The following ODAPH variants were observed in gnomAD, a reference collection of about 807,000 sequenced individuals.
The protein encoded by ODAPH is amelogenesis imperfecta type IIA4.
Under a neutral mutation model 2.8 loss-of-function variants are expected in ODAPH, and 2 were observed. The observed-to-expected ratio is 0.72, with a 90% CI of 0.30 to 2.28. The LOEUF is 2.28. ODAPH is among the 30% of genes most tolerant of loss of function. The pLI is 0.13. For synonymous variants in ODAPH, 75 were observed against 60.3 expected, an observed-to-expected ratio of 1.24 and a Z score of -1.13; for missense variants, 159 against 163.3, an observed-to-expected ratio of 0.97 and a Z score of 0.14.
At chr4:75,564,015 A>T in intron 1 of ODAPH, 99 bp from the exon 2 acceptor site, 1 of 1,042,676 alleles carries the variant, frequency 9.6e-7, no homozygotes, top group Non-Finnish European at 1.5e-6. Flanking sequence ...AGATTTCTCT[A>T]ATTCTCTCTT....
intron 1 of ODAPH, 24 bp downstream of exon 1, chr4:75,556,173 C>T: frequency 6.2e-7 from 1 of 1,607,504 alleles, no homozygotes; most frequent in Non-Finnish European, 8.5e-7. Flanking sequence ...TTTTATTCTA[C>T]TGTGGGTCCA....
At chr4:75,556,799 G>A (rs1016393388) in intron 1 of ODAPH, among the ~76,000 whole-genome samples, 21 of 152,204 alleles carry the variant, frequency 1.4e-4, no homozygotes, top group African/African-American at 4.3e-4. Context: ...AAAAGGCTGG[G>A]GAAGGGATGA....
Position 75,564,107 on chromosome 4 carries a change from T to C in ODAPH, c.68-7T>C. 1 of 1,614,080 alleles carries C rather than the reference T, an allele frequency of 6.2e-7. No individual in the cohort carries two copies. The highest frequency in any genetic ancestry group is 1.1e-5 in the South Asian group (1 of 91,072). ...CTGTTTCCTGACTTGCGTTTTCCTC[T>C]CCACAGGACAAGAAGAGGTATTTAC... On this transcript the variant is annotated splice_region_variant and splice_polypyrimidine_tract_variant and intron_variant, in intron 1 of 1. Transcript: ENST00000311623.
At chr4:75,561,348 G>C (rs923449864) in intron 1 of ODAPH, among the ~76,000 whole-genome samples, 5 of 151,974 alleles carry the variant, frequency 3.3e-5, no homozygotes, top group African/African-American at 9.7e-5. Context: ...GGATTTGGTC[G>C]TTTTCTGCAG....
intron 1 of ODAPH, among the ~76,000 whole-genome samples, chr4:75,560,754 A>G (rs997312610): frequency 6.7e-6 from 1 of 150,248 alleles, no homozygotes; most frequent in Non-Finnish European, 1.5e-5. Context: ...CTGAAACCCA[A>G]TTGTTAGAGG....
At position 75,564,207 on chromosome 4, in the gene ODAPH, C is replaced by T. The variant is rs754029402; in HGVS notation, c.161C>T (p.Pro54Leu). 2 of 1,614,210 alleles carry T rather than the reference C, an allele frequency of 1.2e-6. No individual in the cohort carries two copies. The highest frequency in any genetic ancestry group is 1.6e-4 in the Middle Eastern group (1 of 6,062). ...QIFTLTPPPA[P>L]RSPVTRAQPI... ...TTTACACTCACCCCTCCACCTGCCC[C>T]GAGGAGTCCGGTCACAAGGGCCCAG... Residue 54 changes from proline to leucine, a missense_variant, in exon 2 of 2, where the codon CCG (proline) becomes CTG (leucine). By Grantham distance (98) the Pro-to-Leu change is moderately conservative. Transcript: ENST00000311623.
intron 1 of ODAPH, among the ~76,000 whole-genome samples, chr4:75,559,985 C>T (rs1212897238): frequency 6.6e-6 from 1 of 152,164 alleles, no homozygotes; most frequent in African/African-American, 2.4e-5. Flanking sequence ...TAGGAAAGGC[C>T]TCCCTGACAA....
chr4:75,562,031 C>T (rs1727597894), intron 1 of ODAPH, among the ~76,000 whole-genome samples: 1 of 152,186 alleles, frequency 6.6e-6, no homozygotes, highest in South Asian at 2.1e-4. Context: ...TGCCCTACAC[C>T]TTCCACTGAC....
chr4:75,560,209 C>A (rs1727507512), intron 1 of ODAPH, among the ~76,000 whole-genome samples: 1 of 151,964 alleles, frequency 6.6e-6, no homozygotes, highest in African/African-American at 2.4e-5. Flanking sequence ...GGAGTAGGAA[C>A]CAAAGAAGTT....
chr4:75,564,475 A>T lies in ODAPH; in HGVS notation c.*36A>T, dbSNP rs751699183. The T allele has an allele frequency of 3.1e-6, 5 of 1,613,880 alleles. No individual in the cohort carries two copies. Among genetic ancestry groups the T allele is most frequent in the Non-Finnish European group, 4.2e-6 (5 of 1,180,032 alleles). On this transcript the variant is annotated 3_prime_UTR_variant, in exon 2 of 2. Transcript: ENST00000311623. ...AAACCCAAACATACTGAAGCAAAAA[A>T]AAGCCTATCCTTCAGAAAAAAGCAA... is the stretch of plus-strand genomic sequence containing the variant.
intron 1 of ODAPH, among the ~76,000 whole-genome samples, chr4:75,562,025 C>T (rs35715485): frequency 0.25 from 38,179 of 151,954 alleles, 5,095 homozygotes; most frequent in African/African-American, 0.33. Flanking sequence ...AGCCCCTGCC[C>T]TACACCTTCC....
chr4:75,559,395 C>T (rs1409348155), intron 1 of ODAPH, among the ~76,000 whole-genome samples: 6 of 152,124 alleles, frequency 3.9e-5, no homozygotes, highest in East Asian at 1.9e-4. Context: ...ATTTTATTTC[C>T]GGTAACACTC....
intron 1 of ODAPH, among the ~76,000 whole-genome samples, chr4:75,563,565 C>T (rs1727682958): frequency 6.6e-6 from 1 of 151,982 alleles, no homozygotes; most frequent in Non-Finnish European, 1.5e-5. Context: ...ACACTTTCTG[C>T]TAAAAAATAC....
At chr4:75,560,098 G>A (rs1213307657) in intron 1 of ODAPH, among the ~76,000 whole-genome samples, 1 of 152,134 alleles carries the variant, frequency 6.6e-6, no homozygotes, top group Admixed American at 6.6e-5. Flanking sequence ...GATGACTTTT[G>A]CCAAAGTGGT....
chr4:75,564,124 G>T lies in ODAPH; in HGVS notation c.78G>T (p.Glu26Asp). 6.2e-7 allele frequency: 1 copy of T among 1,614,148 alleles called. No homozygotes were observed. The highest frequency in any genetic ancestry group is 8.5e-7 in the Non-Finnish European group (1 of 1,180,022). ...LVVTVAEGQE[E>D]VFTPPGDSQN... Reference sequence around the variant, plus strand: ...TTTTCCTCTCCACAGGACAAGAAGAGGTATTTACGCCTCCTGGAGATTCAC... The same window carrying T: ...TTTTCCTCTCCACAGGACAAGAAGATGTATTTACGCCTCCTGGAGATTCAC... The change falls in exon 2 of 2, where the codon GAG becomes GAT. Residue 26 changes from glutamate to aspartate, a missense_variant. Transcript: ENST00000311623.
At chr4:75,557,398 G>C (rs989885948) in intron 1 of ODAPH, among the ~76,000 whole-genome samples, 2 of 152,198 alleles carry the variant, frequency 1.3e-5, no homozygotes, top group Non-Finnish European at 2.9e-5. Context: ...CCAGCATTTT[G>C]GGAGGCCGAG....
chr4:75,556,643 G>T, intron 1 of ODAPH: 1 of 1,335,090 alleles, frequency 7.5e-7, no homozygotes, highest in Non-Finnish European at 1.0e-6. Context: ...GCTGCATTTT[G>T]GTGCCACAGA....
At chr4:75,559,041 T>C (rs1213116104) in intron 1 of ODAPH, among the ~76,000 whole-genome samples, 1 of 152,200 alleles carries the variant, frequency 6.6e-6, no homozygotes, top group Non-Finnish European at 1.5e-5. Flanking sequence ...CGACTGAAAT[T>C]AAATACTCAC....
chr4:75,557,026 G>A (rs1727362097), intron 1 of ODAPH, among the ~76,000 whole-genome samples: 1 of 152,036 alleles, frequency 6.6e-6, no homozygotes, highest in African/African-American at 2.4e-5. Context: ...CCATCCCTCA[G>A]AGCTCACAAT....
Sources: allele counts gnomAD v4.1 joint callset (sites outside exome capture counted in the v4.1 genomes callset), GRCh38; gene constraint gnomAD v4.1.1; transcripts MANE v1.5; gene names NCBI Gene and HGNC (gene_info 2026-07-23, HGNC 2026-07-21).